Variants in STARD9 observed in about 807,000 individuals in gnomAD.
STARD9 encodes the protein stAR-related lipid transfer protein 9.
In STARD9, 346 loss-of-function variants were observed where a neutral mutation model predicts 399.8. That is an observed-to-expected ratio of 0.87 (90% CI 0.79 to 0.95). The LOEUF (loss-of-function observed/expected upper bound fraction) is 0.95, where lower values mean the gene tolerates loss of function less well. Ranked by LOEUF, STARD9 falls within the 40% of genes least tolerant of loss-of-function variation. STARD9 has a pLI of 0.00. For synonymous variants in STARD9, 2,203 were observed against 2,143.5 expected (o/e 1.03, Z -0.77); for missense variants, 5,832 against 5,667.5 (o/e 1.03, Z -0.93).
At chr15:42,637,231 G>C (rs1161804492) in intron 4 of STARD9, among the ~76,000 whole-genome samples, 1 of 152,006 alleles carries the variant, frequency 6.6e-6, no homozygotes, top group East Asian at 1.9e-4. Flanking sequence ...TTTTGTTTTT[G>C]AGATGGGGTC....
chr15:42,676,396 T>G (rs765890058), intron 20 of STARD9, among the ~76,000 whole-genome samples: 1 of 152,220 alleles, frequency 6.6e-6, no homozygotes, highest in Non-Finnish European at 1.5e-5. Context: ...AGCTCATAGC[T>G]TCCAGAACGT....
chr15:42,637,814 C>G (rs1410448621), intron 4 of STARD9, 93 bp from the exon 5 acceptor site: 2 of 1,317,072 alleles, frequency 1.5e-6, no homozygotes, highest in East Asian at 5.0e-5. Flanking sequence ...TCCATGCACT[C>G]ATCCCCCATG....
At position 42,669,203 on chromosome 15, in the gene STARD9, C is replaced by T; in HGVS notation, c.1363C>T (p.Gln455Ter). Residue 455 changes from glutamine (Q) to a stop codon, truncating the protein, a stop_gained, in exon 16 of 33, where the codon CAG (glutamine) becomes TAG (stop). Coordinates refer to ENST00000290607, the MANE Select transcript of STARD9 (RefSeq NM_020759.3). LOFTEE classifies it high-confidence loss of function. ...KDWTQKWNDW[Q>*]ALMEHYSVDI... The stretch of plus-strand genomic sequence containing the variant: ...CTGGACCCAGAAGTGGAATGATTGG[C>T]AGGCCCTCATGGAGCATTACAGTGT... 3 of 1,536,344 alleles carry T rather than the reference C, an allele frequency of 2.0e-6. No individual in the cohort carries two copies. Among genetic ancestry groups the T allele is most frequent in the Non-Finnish European group, 2.6e-6 (3 of 1,146,166 alleles).
rs377695055 is a variant in STARD9 at position 42,685,633 on chromosome 15, G to A, written c.4055G>A (p.Gly1352Glu). 1.3e-6 allele frequency: 2 copies of A among 1,537,248 alleles called. No homozygotes were observed. Among genetic ancestry groups the A allele is most frequent in the Non-Finnish European group, 8.7e-7 (1 of 1,146,934 alleles). Residue 1352 changes from glycine to glutamate, a missense_variant, in exon 23 of 33, where the codon GGA (glycine) becomes GAA (glutamate). Transcript: ENST00000290607. ...AAGATCAACCCCAGCAGCCCCCCAGGAATAGTGGGTTCTTTATGTCCAAGT... is the reference window on the plus strand; with the variant it reads ...AAGATCAACCCCAGCAGCCCCCCAGAAATAGTGGGTTCTTTATGTCCAAGT... ...DSKINPSSPP[G>E]IVGSLCPSPD...
Position 42,693,908 on chromosome 15 carries a change from C to T in STARD9, c.12330C>T (p.Cys4110=). The change falls in exon 23 of 33, where the codon TGC becomes TGT. Residue 4110 remains cysteine (C), a synonymous_variant. Coordinates refer to ENST00000290607, the MANE Select transcript of STARD9 (RefSeq NM_020759.3). ...CTGCCTTGGGCCTCCCTCAGGCCTG[C>T]CAACCTGAGGAGTTACTGTGCTTCA... ...RGSALGLPQA[C]QPEELLCFSC... is the part of the protein sequence containing the mutation. 2 of 1,520,484 alleles carry T rather than the reference C, an allele frequency of 1.3e-6. No individual in the cohort carries two copies. The highest frequency in any genetic ancestry group is 1.8e-6 in the Non-Finnish European group (2 of 1,137,552). 94.2% of individuals were successfully genotyped at this position (1,520,484 alleles called of 1,614,324 possible).
At chr15:42,621,318 A>T (rs915183831) in intron 3 of STARD9, among the ~76,000 whole-genome samples, 2 of 152,144 alleles carry the variant, frequency 1.3e-5, no homozygotes, top group African/African-American at 4.8e-5. Context: ...ATCCATGGTT[A>T]TATTATATAT....
chr15:42,677,251 G>A (rs184393745), intron 20 of STARD9, among the ~76,000 whole-genome samples: 3 of 152,274 alleles, frequency 2.0e-5, no homozygotes, highest in Admixed American at 6.5e-5. Flanking sequence ...GCGACAGGGC[G>A]AGACTCCGTC....
chr15:42,675,270 T>C (rs890464996), intron 18 of STARD9, among the ~76,000 whole-genome samples: 1 of 152,228 alleles, frequency 6.6e-6, no homozygotes, highest in Non-Finnish European at 1.5e-5. Flanking sequence ...ATTGTGAGGA[T>C]TGAATGAACC....
At chr15:42,587,425 C>T (rs760382050) in intron 3 of STARD9, among the ~76,000 whole-genome samples, 13 of 152,146 alleles carry the variant, frequency 8.5e-5, no homozygotes, top group Non-Finnish European at 1.8e-4. Context: ...CCTTTGTAGT[C>T]CTAATGTGTT....
Position 42,679,098 on chromosome 15 carries a change from G to C in STARD9, c.1875-2324G>C, listed in dbSNP as rs143677353. 5.0e-3 allele frequency among the ~76,000 whole-genome samples: 762 copies of C among 152,292 alleles called. 3 individuals carry two copies. Among genetic ancestry groups the C allele is most frequent in the African/African-American group, 0.018 (735 of 41,552 alleles). ...GGAGAAAGCCAGACAAGGAGACTGA[G>C]TAATCTCAGGGAGTTCAGATAAAGA... On this transcript the variant is annotated intron_variant, in intron 20 of 32. Coordinates refer to ENST00000290607, the MANE Select transcript of STARD9 (RefSeq NM_020759.3).
In STARD9 at chr15:42,716,917, T is replaced by G. The variant is rs1489803701; in HGVS notation, c.13373-10T>G. On this transcript the variant is annotated splice_polypyrimidine_tract_variant and intron_variant, in intron 27 of 32. Transcript: ENST00000290607. ...AGTGCTATCACAGGGCCTCCACCTATTTCTTGTAGGCCACAGAGCCTCCCT... is the reference window on the plus strand; with the variant it reads ...AGTGCTATCACAGGGCCTCCACCTAGTTCTTGTAGGCCACAGAGCCTCCCT... 2.6e-6 allele frequency: 4 copies of G among 1,537,166 alleles called. No homozygotes were observed. The African/African-American group carries it at 5.5e-5, about 21-fold the overall frequency.
Position 42,638,555 on chromosome 15 carries a change from C to T in STARD9, c.447-145C>T, listed in dbSNP as rs1320465794. On this transcript the variant is annotated intron_variant, in intron 6 of 32. Coordinates refer to ENST00000290607, the MANE Select transcript of STARD9 (RefSeq NM_020759.3). Reference sequence around the variant, plus strand: ...TATTGTATATGTATGGAAAGAGAATCAAGGGGGAACCTTGGCTTGATCATT... The same window carrying T: ...TATTGTATATGTATGGAAAGAGAATTAAGGGGGAACCTTGGCTTGATCATT... 6 of 561,082 alleles carry T rather than the reference C, an allele frequency of 1.1e-5. No individual in the cohort carries two copies. In the African/African-American group the frequency reaches 1.1e-4, roughly 11 times the overall value. The allele number at this position is 561,082 out of a possible 1,614,324, so 34.8% of individuals were successfully genotyped here. A position where few individuals can be genotyped will look rare whatever the true frequency, so the allele number is the denominator to read the frequency against.
chr15:42,679,358 C>T (rs1395829899), intron 20 of STARD9, among the ~76,000 whole-genome samples: 2 of 152,232 alleles, frequency 1.3e-5, no homozygotes, highest in Non-Finnish European at 2.9e-5. Context: ...GAGTAACCTT[C>T]CTCTTTCTGT....
At position 42,690,631 on chromosome 15, in the gene STARD9, A is replaced by T. The variant is rs939744839; in HGVS notation, c.9053A>T (p.Asp3018Val). The T allele has an allele frequency of 6.5e-7, 1 of 1,537,222 alleles. No individual in the cohort carries two copies. Among genetic ancestry groups the T allele is most frequent in the Non-Finnish European group, 8.7e-7 (1 of 1,146,902 alleles). ...DETGEISRGP[D>V]VHLTHGLEPK... is the part of the protein sequence containing the mutation. ...ACAGGAGAGATCTCTAGGGGACCTG[A>T]TGTGCACTTGACACATGGCCTTGAG... Residue 3018 changes from aspartate (D) to valine (V), a missense_variant, in exon 23 of 33, where the codon GAT becomes GTT. Physicochemically the swap from Asp to Val is radical, Grantham distance 152 (BLOSUM62 -3). This residue lies in a region of STARD9 where 5,828 missense variants were observed against 5,651.1 expected (regional missense o/e 1.03). Transcript: ENST00000290607.
In STARD9 at chr15:42,715,265, C is replaced by T. The variant is rs555675465; in HGVS notation, c.13285-1412C>T. On this transcript the variant is annotated intron_variant, in intron 26 of 32. Coordinates refer to ENST00000290607, the MANE Select transcript of STARD9 (RefSeq NM_020759.3). ...TGGTGACTGCTGTTTGGAGGAGTGA[C>T]GAGGGCAAATGTTAGATTAGGGTGG... Among the ~76,000 whole-genome samples the T allele has an allele frequency of 7.2e-5, 11 of 152,062 alleles. No individual in the cohort carries two copies. In the South Asian group the frequency reaches 2.1e-3, roughly 29 times the overall value.
chr15:42,613,684 G>T (rs963581938), intron 3 of STARD9, among the ~76,000 whole-genome samples: 2 of 152,276 alleles, frequency 1.3e-5, no homozygotes, highest in East Asian at 3.9e-4. Flanking sequence ...GAATTTATCG[G>T]CTGGGCGAGA....
chr15:42,695,374 T>G, intron 25 of STARD9, 51 bp downstream of exon 25: 1 of 1,447,236 alleles, frequency 6.9e-7, no homozygotes, highest in Non-Finnish European at 9.2e-7. Context: ...GACCTCAGAC[T>G]GGTACACCTT....
At chr15:42,627,275 A>T (rs535219469) in intron 3 of STARD9, among the ~76,000 whole-genome samples, 1 of 152,294 alleles carries the variant, frequency 6.6e-6, no homozygotes, top group Admixed American at 6.5e-5. Flanking sequence ...TAGCCTGGGC[A>T]GCAGAGGGAA....
At position 42,690,402 on chromosome 15, in the gene STARD9, C is replaced by A; in HGVS notation, c.8824C>A (p.Pro2942Thr). Residue 2942 changes from proline to threonine, a missense_variant, in exon 23 of 33, where the codon CCG becomes ACG. Physicochemically the swap from Pro to Thr is conservative, Grantham distance 38. Coordinates refer to ENST00000290607, the MANE Select transcript of STARD9 (RefSeq NM_020759.3). ...RNPEGSRTLS[P>T]SRGKESRTLP... is the part of the protein sequence containing the mutation. ...CCCTGAAGGCAGCAGGACTCTCAGCCCGTCTAGAGGGAAAGAGAGCAGAAC... is the reference window on the plus strand; with the variant it reads ...CCCTGAAGGCAGCAGGACTCTCAGCACGTCTAGAGGGAAAGAGAGCAGAAC... 1 of 1,537,226 alleles carries A rather than the reference C, an allele frequency of 6.5e-7. No individual in the cohort carries two copies. The highest frequency in any genetic ancestry group is 8.7e-7 in the Non-Finnish European group (1 of 1,146,894).
Sources: gnomAD v4.1 joint callset for allele counts (sites outside exome capture counted in the v4.1 genomes callset) on GRCh38, gnomAD v4.1.1 for gene constraint, gnomAD v4.1.1 regional missense constraint, MANE v1.5 for transcripts, NCBI Gene and HGNC (gene_info 2026-07-23, HGNC 2026-07-21) for gene names.